Variants in LCP2 observed in about 807,000 individuals in gnomAD.
The protein encoded by LCP2 is 76 kDa tyrosine phosphoprotein.
Under a neutral mutation model 74.5 loss-of-function variants are expected in LCP2, and 29 were observed. The ratio of observed to expected loss-of-function variants is 0.39; its 90% CI spans 0.29 to 0.53. LCP2 has a LOEUF of 0.53. Ranked by LOEUF, LCP2 falls within the 20% of genes least tolerant of loss-of-function variation. The probability of loss-of-function intolerance (pLI) is 0.72; values close to 1 mark genes in which losing one functional copy is unlikely to be tolerated. For synonymous variants in LCP2, 228 were observed against 229.5 expected (o/e 0.99, Z 0.06); for missense variants, 604 against 634.6 (o/e 0.95, Z 0.52).
Position 170,247,485 on chromosome 5 carries a change from G to C in LCP2, c.*1212C>G, listed in dbSNP as rs139206417. Reference sequence around the variant, plus strand: ...GAAAACTTGTAGATTAAGCAGAGACGCCAAAAATTGTTGCTAATAAAAGTT... The same window carrying C: ...GAAAACTTGTAGATTAAGCAGAGACCCCAAAAATTGTTGCTAATAAAAGTT... On this transcript the variant is annotated 3_prime_UTR_variant, in exon 21 of 21. Coordinates refer to ENST00000046794, the MANE Select transcript of LCP2 (RefSeq NM_005565.5). 2.0e-5 allele frequency: 3 copies of C among 152,152 alleles called. No individual in the cohort carries two copies. Among genetic ancestry groups the C allele is most frequent in the Non-Finnish European group, 4.4e-5 (3 of 68,018 alleles). 9.4% of individuals were successfully genotyped at this position (152,152 alleles called of 1,614,324 possible).
chr5:170,266,164 T>C (rs1238718683), intron 10 of LCP2, among the ~76,000 whole-genome samples: 1 of 152,126 alleles, frequency 6.6e-6, no homozygotes, highest in Non-Finnish European at 1.5e-5. Context: ...GAATTGAAAA[T>C]AGCTGCACGT....
intron 3 of LCP2, among the ~76,000 whole-genome samples, chr5:170,279,793 G>C (rs1027134391): frequency 6.6e-6 from 1 of 152,224 alleles, no homozygotes; most frequent in African/African-American, 2.4e-5. Context: ...ACAGGAGAGT[G>C]GGGGTATGCG....
At chr5:170,274,025 T>A in intron 6 of LCP2, 1 of 488,016 alleles carries the variant, frequency 2.0e-6, no homozygotes, top group South Asian at 2.3e-5. Context: ...AATGAAGGTT[T>A]ATGGGCGCAA....
intron 20 of LCP2, among the ~76,000 whole-genome samples, chr5:170,249,705 A>G (rs1003283623): frequency 6.6e-6 from 1 of 152,212 alleles, no homozygotes; most frequent in African/African-American, 2.4e-5. Context: ...ATTTGCAGCC[A>G]TAGCCTGGAT....
In LCP2 at chr5:170,293,020, C is replaced by T. The variant is rs150759578; in HGVS notation, c.141+290G>A. On this transcript the variant is annotated intron_variant, in intron 2 of 20. Coordinates refer to ENST00000046794, the MANE Select transcript of LCP2 (RefSeq NM_005565.5). ...AGAAGCTTCTGTTCACCCATATGGT[C>T]CTTCTTCCCCTTGGGCTTCTCAAAG... 2.4e-3 allele frequency among the ~76,000 whole-genome samples: 365 copies of T among 152,270 alleles called. 2 individuals carry two copies. Among genetic ancestry groups the T allele is most frequent in the African/African-American group, 8.3e-3 (346 of 41,552 alleles).
At chr5:170,270,551 GAGAC>G in intron 7 of LCP2, 164 bp downstream of exon 7, 1 of 572,156 alleles carries the variant, frequency 1.7e-6, no homozygotes, top group East Asian at 3.2e-5. Flanking sequence ...GAGGCCCAGA[GAGAC>G]AGAGTTACTT....
At chr5:170,254,657 A>G (rs1761517510) in intron 17 of LCP2, among the ~76,000 whole-genome samples, 2 of 152,158 alleles carry the variant, frequency 1.3e-5, no homozygotes, top group Admixed American at 1.3e-4. Context: ...AAACCTAACA[A>G]TACAGGAGAG....
At chr5:170,265,072 C>T (rs1761727463) in intron 10 of LCP2, among the ~76,000 whole-genome samples, 1 of 146,226 alleles carries the variant, frequency 6.8e-6, no homozygotes, top group Non-Finnish European at 1.5e-5. Flanking sequence ...ACTGCAAGCT[C>T]TGCCTCCCAG....
At chr5:170,257,763 C>A (rs1048858046) in intron 16 of LCP2, among the ~76,000 whole-genome samples, 10 of 152,052 alleles carry the variant, frequency 6.6e-5, no homozygotes, top group African/African-American at 2.4e-4. Flanking sequence ...TGAAAATATT[C>A]TTTGTTTTCT....
At chr5:170,273,790 C>G (rs1761937039) in intron 6 of LCP2, 1 of 156,266 alleles carries the variant, frequency 6.4e-6, no homozygotes, top group Non-Finnish European at 1.4e-5. Context: ...TGGATTGCAC[C>G]CTCTTTGAGG....
intron 2 of LCP2, among the ~76,000 whole-genome samples, chr5:170,289,518 G>T (rs1005155848): frequency 6.6e-6 from 1 of 152,198 alleles, no homozygotes; most frequent in Admixed American, 6.5e-5. Context: ...CTGCGGCAGG[G>T]TGGGGCTGGT....
In LCP2 at chr5:170,297,674, G is replaced by A. The variant is rs1232223316; in HGVS notation, c.-63C>T. The A allele has an allele frequency of 2.4e-5, 34 of 1,442,896 alleles. No individual in the cohort carries two copies. The highest frequency in any genetic ancestry group is 5.6e-5 in the African/African-American group (4 of 70,992). 89.4% of individuals were successfully genotyped at this position (1,442,896 alleles called of 1,614,324 possible). On this transcript the variant is annotated 5_prime_UTR_variant, in exon 1 of 21. Coordinates refer to ENST00000046794, the MANE Select transcript of LCP2 (RefSeq NM_005565.5). ...GGGCGCTTCACCCATGGGCAGAGAAGCTCAAATCCAGAGCTCGGAGGCGTT... is the reference window on the plus strand; with the variant it reads ...GGGCGCTTCACCCATGGGCAGAGAAACTCAAATCCAGAGCTCGGAGGCGTT...
At chr5:170,287,219 T>A (rs1762197374) in intron 3 of LCP2, among the ~76,000 whole-genome samples, 1 of 152,226 alleles carries the variant, frequency 6.6e-6, no homozygotes, top group Admixed American at 6.5e-5. Flanking sequence ...CGTGCTATTA[T>A]TTTTCTTATA....
chr5:170,273,582 G>T (rs1184660915), intron 6 of LCP2, among the ~76,000 whole-genome samples: 1 of 152,046 alleles, frequency 6.6e-6, no homozygotes, highest in Non-Finnish European at 1.5e-5. Flanking sequence ...TGTGTTCTAC[G>T]CACGTCACGT....
At chr5:170,274,363 T>A in intron 5 of LCP2, 25 bp from the exon 6 acceptor site, 1 of 1,611,096 alleles carries the variant, frequency 6.2e-7, no homozygotes, top group Non-Finnish European at 8.5e-7. Context: ...GACACCACCA[T>A]CAGCACTGAA....
intron 10 of LCP2, among the ~76,000 whole-genome samples, chr5:170,264,538 T>A (rs1761714030): frequency 6.6e-6 from 1 of 152,250 alleles, no homozygotes. Flanking sequence ...ACACTGAGTG[T>A]GGTGGCTCAT....
intron 19 of LCP2, chr5:170,251,788 C>A: frequency 2.7e-6 from 1 of 366,584 alleles, no homozygotes; most frequent in South Asian, 1.9e-5. Flanking sequence ...TAATTAGAAT[C>A]TCAAGGTGAG....
intron 3 of LCP2, among the ~76,000 whole-genome samples, chr5:170,286,784 C>T (rs562974400): frequency 4.9e-4 from 75 of 152,298 alleles, no homozygotes; most frequent in African/African-American, 1.8e-3. Context: ...TGCCAGCATT[C>T]CTACCTATTC....
intron 14 of LCP2, 129 bp from the exon 15 acceptor site, chr5:170,259,007 C>A: frequency 1.6e-6 from 1 of 632,994 alleles, no homozygotes. Context: ...TATACATCTT[C>A]ATAATAAATA....
Sources: allele counts gnomAD v4.1 joint callset (sites outside exome capture counted in the v4.1 genomes callset), GRCh38; gene constraint gnomAD v4.1.1; transcripts MANE v1.5; gene names NCBI Gene and HGNC (gene_info 2026-07-23, HGNC 2026-07-21).